LRRC4C: variants seen among roughly 807,000 people sequenced by gnomAD.
LRRC4C encodes leucine-rich repeat-containing protein 4C.
LRRC4C carries 5 observed loss-of-function variants against 33.6 expected under a neutral mutation model. That is an observed-to-expected ratio of 0.15 (90% CI 0.08 to 0.31). The LOEUF (loss-of-function observed/expected upper bound fraction) is 0.31. LRRC4C is among the 10% of genes least tolerant of loss of function. The probability of loss-of-function intolerance (pLI) is 1.00; values close to 1 mark genes in which losing one functional copy is unlikely to be tolerated. For synonymous variants in LRRC4C, 329 were observed against 302.0 expected (o/e 1.09, Z -0.93); for missense variants, 560 against 796.7 (o/e 0.70, Z 3.58).
At chr11:41,434,922 T>C (rs947319868) in intron 1 of LRRC4C, among the ~76,000 whole-genome samples, 1 of 152,092 alleles carries the variant, frequency 6.6e-6, no homozygotes, top group African/African-American at 2.4e-5. Context: ...CAGGCTGAGG[T>C]GTGAGGGAAA....
chr11:40,253,784 A>G (rs1414397011), intron 4 of LRRC4C, among the ~76,000 whole-genome samples: 9 of 152,164 alleles, frequency 5.9e-5, no homozygotes, highest in African/African-American at 2.2e-4. Flanking sequence ...CTCTGTCTCA[A>G]TTCTCTCAAC....
intron 3 of LRRC4C, among the ~76,000 whole-genome samples, chr11:40,577,822 T>G (rs947644897): frequency 6.9e-6 from 1 of 145,350 alleles, no homozygotes; most frequent in African/African-American, 2.5e-5. Context: ...GTTTGTTTGT[T>G]TTCTTTTTTC....
intron 1 of LRRC4C, among the ~76,000 whole-genome samples, chr11:41,010,700 G>A (rs1214204765): frequency 1.3e-5 from 2 of 152,206 alleles, no homozygotes; most frequent in Non-Finnish European, 2.9e-5. Flanking sequence ...AGATTAGAAA[G>A]TAAATAAATG....
intron 2 of LRRC4C, among the ~76,000 whole-genome samples, chr11:40,668,590 T>C (rs931288453): frequency 6.6e-6 from 1 of 152,204 alleles, no homozygotes; most frequent in East Asian, 1.9e-4. Flanking sequence ...TATTTTCTAC[T>C]GACGATTTTT....
chr11:40,273,942 G>C (rs1942897921), intron 4 of LRRC4C, among the ~76,000 whole-genome samples: 1 of 152,008 alleles, frequency 6.6e-6, no homozygotes, highest in Non-Finnish European at 1.5e-5. Flanking sequence ...CAAGAGTTTA[G>C]TCTATTTTCC....
intron 3 of LRRC4C, among the ~76,000 whole-genome samples, chr11:40,457,114 A>C (rs983697536): frequency 7.1e-6 from 1 of 140,012 alleles, no homozygotes; most frequent in Non-Finnish European, 1.5e-5. Context: ...AAAAAAAAAA[A>C]AGAAAAAAAA....
chr11:41,254,775 C>A (rs1380650026), intron 1 of LRRC4C, among the ~76,000 whole-genome samples: 1 of 151,986 alleles, frequency 6.6e-6, no homozygotes, highest in Non-Finnish European at 1.5e-5. Flanking sequence ...CCTCAAAATT[C>A]ACATTCTTTG....
At chr11:40,221,387 C>T (rs1864407418) in intron 5 of LRRC4C, among the ~76,000 whole-genome samples, 1 of 152,096 alleles carries the variant, frequency 6.6e-6, no homozygotes, top group Non-Finnish European at 1.5e-5. Context: ...ATTTGGAACT[C>T]AATGTGTTTT....
intron 2 of LRRC4C, among the ~76,000 whole-genome samples, chr11:40,903,364 C>A (rs1956289196): frequency 6.6e-6 from 1 of 152,222 alleles, no homozygotes; most frequent in African/African-American, 2.4e-5. Flanking sequence ...ATTCACCCAG[C>A]AGCTCTGCTG....
At chr11:40,384,922 T>TC (rs1173481239) in intron 3 of LRRC4C, among the ~76,000 whole-genome samples, 1 of 152,202 alleles carries the variant, frequency 6.6e-6, no homozygotes, top group Admixed American at 6.5e-5. Flanking sequence ...GTGGGAAATC[T>TC]CCCAAAGTTA....
At chr11:41,168,768 G>C (rs1944841747) in intron 1 of LRRC4C, among the ~76,000 whole-genome samples, 3 of 151,986 alleles carry the variant, frequency 2.0e-5, no homozygotes, top group Admixed American at 1.3e-4. Context: ...CATAGTAAAA[G>C]CATCATCAGA....
At chr11:41,340,318 GC>G (rs950923347) in intron 1 of LRRC4C, among the ~76,000 whole-genome samples, 1 of 152,148 alleles carries the variant, frequency 6.6e-6, no homozygotes, top group African/African-American at 2.4e-5. Flanking sequence ...GAATTAACAA[GC>G]TAAATCTTAT....
chr11:41,043,604 A>T (rs148235546), intron 1 of LRRC4C, among the ~76,000 whole-genome samples: 1 of 151,252 alleles, frequency 6.6e-6, no homozygotes, highest in African/African-American at 2.4e-5. Flanking sequence ...AGAAAACTCA[A>T]TTACTCTTAC....
intron 2 of LRRC4C, among the ~76,000 whole-genome samples, chr11:40,766,337 G>A (rs1949455393): frequency 9.2e-6 from 1 of 108,872 alleles, no homozygotes; most frequent in Non-Finnish European, 1.8e-5. Context: ...ATGCTAAAGG[G>A]AGTTCTTCAG....
intron 1 of LRRC4C, among the ~76,000 whole-genome samples, chr11:41,188,650 T>C (rs1366670111): frequency 1.3e-5 from 2 of 151,486 alleles, no homozygotes; most frequent in African/African-American, 2.4e-5. Context: ...TCAATATTAG[T>C]TTTTTTATCT....
rs556816020 is a variant in LRRC4C at position 41,436,698 on chromosome 11, AATTCAGGTTATAC to A, written c.-496+22720_-496+22732del. On this transcript the variant is annotated intron_variant, in intron 1 of 6. Coordinates refer to ENST00000528697, the MANE Select transcript of LRRC4C (RefSeq NM_001258419.2). ...CTACTTCTGAAAGCATGTCCAGTTGAATTCAGGTTATACAATGCCACTTCTCTAAATCATTTTG... is the reference window on the plus strand; with the variant it reads ...CTACTTCTGAAAGCATGTCCAGTTGAAATGCCACTTCTCTAAATCATTTTG... 1.7e-3 allele frequency among the ~76,000 whole-genome samples: 257 copies of A among 152,314 alleles called. 2 individuals carry two copies. The highest frequency in any genetic ancestry group is 5.9e-3 in the African/African-American group (247 of 41,558).
chr11:40,475,053 A>G (rs1384419402), intron 3 of LRRC4C, among the ~76,000 whole-genome samples: 2 of 152,170 alleles, frequency 1.3e-5, no homozygotes, highest in African/African-American at 4.8e-5. Context: ...GCAATTTCTC[A>G]AGGATCTAGA....
At chr11:40,891,613 A>G (rs1362848319) in intron 2 of LRRC4C, among the ~76,000 whole-genome samples, 1 of 152,216 alleles carries the variant, frequency 6.6e-6, no homozygotes, top group Non-Finnish European at 1.5e-5. Context: ...GATATTTTTC[A>G]AACTAAGACA....
chr11:40,707,310 C>T (rs1220451912), intron 2 of LRRC4C, among the ~76,000 whole-genome samples: 1 of 152,100 alleles, frequency 6.6e-6, no homozygotes, highest in Non-Finnish European at 1.5e-5. Flanking sequence ...GGAATGCTTC[C>T]AGTTTTTGCC....
Sources: gnomAD v4.1 joint callset for allele counts (sites outside exome capture counted in the v4.1 genomes callset) on GRCh38, gnomAD v4.1.1 for gene constraint, MANE v1.5 for transcripts, NCBI Gene and HGNC (gene_info 2026-07-23, HGNC 2026-07-21) for gene names.